DPP6: variants seen among roughly 807,000 people sequenced by gnomAD.
The protein encoded by DPP6 is A-type potassium channel modulatory protein DPP6.
Under a neutral mutation model 122.6 loss-of-function variants are expected in DPP6, and 69 were observed. The ratio of observed to expected loss-of-function variants is 0.56; its 90% CI spans 0.46 to 0.69. The LOEUF is 0.69. DPP6 is among the 30% of genes least tolerant of loss of function. The probability of loss-of-function intolerance (pLI) is 0.00; values close to 1 mark genes in which losing one functional copy is unlikely to be tolerated. For missense variants in DPP6, 928 were observed against 1,116.9 expected, an observed-to-expected ratio of 0.83 and a Z score of 2.41; for synonymous variants, 418 against 433.1, an observed-to-expected ratio of 0.97 and a Z score of 0.43.
intron 1 of DPP6, among the ~76,000 whole-genome samples, chr7:154,289,610 C>A (rs1805073838): frequency 6.6e-6 from 1 of 152,132 alleles, no homozygotes; most frequent in Admixed American, 6.6e-5. Context: ...CAGTGTGGGA[C>A]AAAATGTGAT....
At chr7:154,329,280 C>T (rs762216377) in intron 1 of DPP6, among the ~76,000 whole-genome samples, 9 of 152,220 alleles carry the variant, frequency 5.9e-5, no homozygotes, top group South Asian at 4.1e-4. Context: ...GTGTTGCATC[C>T]GCACTGGCCA....
chr7:153,962,033 A>G (rs1795380372), intron 1 of DPP6, among the ~76,000 whole-genome samples: 1 of 148,774 alleles, frequency 6.7e-6, no homozygotes, highest in Non-Finnish European at 1.5e-5. Flanking sequence ...ACTACACTGC[A>G]GAGGAGAGCA....
At chr7:153,945,180 G>A (rs1024969513) in intron 1 of DPP6, among the ~76,000 whole-genome samples, 1 of 152,174 alleles carries the variant, frequency 6.6e-6, no homozygotes, top group African/African-American at 2.4e-5. Flanking sequence ...TGTTCTTTTA[G>A]AATGCTGCCT....
At chr7:154,210,546 T>A (rs1347090974) in intron 1 of DPP6, among the ~76,000 whole-genome samples, 1 of 152,218 alleles carries the variant, frequency 6.6e-6, no homozygotes, top group Non-Finnish European at 1.5e-5. Flanking sequence ...TCTGGTGCAT[T>A]CTACTATGCA....
At chr7:154,079,069 C>T (rs762206985) in intron 1 of DPP6, among the ~76,000 whole-genome samples, 4 of 151,846 alleles carry the variant, frequency 2.6e-5, no homozygotes, top group Non-Finnish European at 4.4e-5. Context: ...CCATCCTGGC[C>T]AACATGGTGA....
At chr7:154,464,067 C>G (rs1024353451) in intron 2 of DPP6, among the ~76,000 whole-genome samples, 1 of 152,170 alleles carries the variant, frequency 6.6e-6, no homozygotes, top group African/African-American at 2.4e-5. Context: ...GACTGCCTTT[C>G]AAGTTATTTT....
In DPP6 at chr7:154,821,649, C is replaced by CAT. The variant is rs71184039; in HGVS notation, c.1666+14551_1666+14552dup. 2.5e-4 allele frequency among the ~76,000 whole-genome samples: 24 copies of CAT among 94,472 alleles called. No homozygotes were observed. The highest frequency in any genetic ancestry group is 5.4e-3 in the Middle Eastern group (1 of 184). The allele number at this position is 94,472 out of a possible 152,430, so 62.0% of individuals were successfully genotyped here. A position where few individuals can be genotyped will look rare whatever the true frequency, so the allele number is the denominator to read the frequency against. ...TTCTGTATATATATATATATATACA[C>CAT]ATATATATATATATACACATATATA... is the stretch of plus-strand genomic sequence containing the variant. On this transcript the variant is annotated intron_variant, in intron 16 of 25. Coordinates refer to ENST00000377770, the MANE Select transcript of DPP6 (RefSeq NM_130797.4). This position sits in a 1 kb window ranked among gnomAD's most constrained non-coding sequence, Gnocchi z 4.2.
At chr7:154,152,664 A>G (rs887077374) in intron 1 of DPP6, among the ~76,000 whole-genome samples, 1 of 152,190 alleles carries the variant, frequency 6.6e-6, no homozygotes, top group Non-Finnish European at 1.5e-5. Flanking sequence ...TCCCTCATCT[A>G]TAAGAATAAG....
intron 4 of DPP6, among the ~76,000 whole-genome samples, chr7:154,561,039 A>C (rs972672584): frequency 6.6e-6 from 1 of 152,204 alleles, no homozygotes; most frequent in African/African-American, 2.4e-5. Flanking sequence ...TAAAGGAGTA[A>C]GTTTATTAAG....
intron 1 of DPP6, among the ~76,000 whole-genome samples, chr7:153,891,175 C>A (rs1799184182): frequency 6.6e-6 from 1 of 151,754 alleles, no homozygotes; most frequent in East Asian, 2.0e-4. Flanking sequence ...GCGCCCACCA[C>A]CATGCCCGGC....
At chr7:153,943,775 C>T (rs1316061585) in intron 1 of DPP6, among the ~76,000 whole-genome samples, 1 of 152,172 alleles carries the variant, frequency 6.6e-6, no homozygotes, top group Non-Finnish European at 1.5e-5. Context: ...AATTTTGCCT[C>T]CCCCTAAGCT....
intron 5 of DPP6, among the ~76,000 whole-genome samples, chr7:154,637,557 T>C (rs1835805136): frequency 6.6e-6 from 1 of 152,238 alleles, no homozygotes; most frequent in Admixed American, 6.5e-5. Flanking sequence ...CTGAAATCTG[T>C]GCCCCTAATT....
At chr7:154,476,440 A>G (rs774958479) in intron 3 of DPP6, among the ~76,000 whole-genome samples, 7 of 152,234 alleles carry the variant, frequency 4.6e-5, no homozygotes, top group Non-Finnish European at 8.8e-5. Flanking sequence ...AGCAAATGCA[A>G]GCACTTGTGG....
intron 1 of DPP6, among the ~76,000 whole-genome samples, chr7:154,165,400 C>T (rs1312666349): frequency 6.8e-6 from 1 of 146,562 alleles, no homozygotes; most frequent in Non-Finnish European, 1.5e-5. Flanking sequence ...TTAATCCAGT[C>T]TATCATTGTT....
the DPP6 span, among the ~76,000 whole-genome samples, chr7:153,818,654 T>C: frequency 6.6e-6 from 1 of 151,448 alleles, no homozygotes; most frequent in African/African-American, 2.4e-5. Context: ...AAGCCAGTTT[T>C]TAAATAAGTG....
chr7:154,284,660 G>A (rs1416281552), intron 1 of DPP6, among the ~76,000 whole-genome samples: 1 of 152,226 alleles, frequency 6.6e-6, no homozygotes, highest in Admixed American at 6.5e-5. Flanking sequence ...TTCAAGACCA[G>A]CCTGACCAAG....
chr7:154,390,064 G>A (rs1185518787), intron 1 of DPP6, among the ~76,000 whole-genome samples: 7 of 152,348 alleles, frequency 4.6e-5, no homozygotes, highest in East Asian at 1.9e-4. Flanking sequence ...ACAATGGTAT[G>A]AGTGTGGAAA....
chr7:154,265,488 C>G (rs775761975), intron 1 of DPP6, among the ~76,000 whole-genome samples: 1 of 152,066 alleles, frequency 6.6e-6, no homozygotes, highest in Non-Finnish European at 1.5e-5. Context: ...AGAAATGCAC[C>G]GTTTAATACT....
At chr7:153,921,534 A>T (rs1396266459) in intron 1 of DPP6, among the ~76,000 whole-genome samples, 1 of 152,226 alleles carries the variant, frequency 6.6e-6, no homozygotes, top group Admixed American at 6.5e-5. Flanking sequence ...GCCAAGGCTG[A>T]CACCGTTTGA....
Sources: allele counts gnomAD v4.1 joint callset (sites outside exome capture counted in the v4.1 genomes callset), GRCh38; gene constraint gnomAD v4.1.1; non-coding constraint Gnocchi (gnomAD v3.1); transcripts MANE v1.5; gene names NCBI Gene and HGNC (gene_info 2026-07-23, HGNC 2026-07-21).